The following PPP1R12C variants were observed in gnomAD, a reference collection of about 807,000 sequenced individuals.
PPP1R12C encodes protein phosphatase 1 regulatory subunit 12C, also known as leukocyte receptor cluster (LRC) encoded novel gene 3.
In PPP1R12C, 48 loss-of-function variants were observed where a neutral mutation model predicts 95.6. That is an observed-to-expected ratio of 0.50 (90% confidence interval 0.40 to 0.64). PPP1R12C has a LOEUF of 0.64. PPP1R12C is among the 30% of genes least tolerant of loss of function. PPP1R12C has a pLI of 0.00. For synonymous variants in PPP1R12C, 480 were observed against 460.8 expected (o/e 1.04, Z -0.53); for missense variants, 1,057 against 1,083.3 (o/e 0.98, Z 0.34).
chr19:55,094,997 G>T (rs1486806476), intron 11 of PPP1R12C, 199 bp from the exon 12 acceptor site: 2 of 724,598 alleles, frequency 2.8e-6, no homozygotes, highest in Non-Finnish European at 2.3e-6. Context: ...ACTCTGGACA[G>T]AAGCAGCAGT....
At chr19:55,092,002 T>A in intron 19 of PPP1R12C, 93 bp from the exon 20 acceptor site, 1 of 1,486,692 alleles carries the variant, frequency 6.7e-7, no homozygotes, top group South Asian at 1.1e-5. Flanking sequence ...GCCCGCCCAC[T>A]AGGCAGCCCA....
At chr19:55,106,789 G>A (rs2085043060) in intron 3 of PPP1R12C, among the ~76,000 whole-genome samples, 1 of 152,132 alleles carries the variant, frequency 6.6e-6, no homozygotes, top group Non-Finnish European at 1.5e-5. Context: ...GTTTCAATGT[G>A]ACCGGGCCCA....
chr19:55,094,461 C>G (rs761614193), intron 12 of PPP1R12C, 26 bp from the exon 13 acceptor site: 4 of 1,612,534 alleles, frequency 2.5e-6, no homozygotes, highest in South Asian at 1.1e-5. Flanking sequence ...CAACCTCAGA[C>G]AGGGAACCTG....
chr19:55,092,645 C>A lies in PPP1R12C; in HGVS notation c.1929G>T (p.Pro643=). 6.5e-7 allele frequency: 1 copy of A among 1,533,400 alleles called. No homozygotes were observed. The highest frequency in any genetic ancestry group is 2.3e-5 in the East Asian group (1 of 42,964). 95.0% of individuals were successfully genotyped at this position (1,533,400 alleles called of 1,614,324 possible). Residue 643 remains proline (P), a synonymous_variant, in exon 17 of 22, where the codon CCG becomes CCT. Coordinates refer to ENST00000263433, the MANE Select transcript of PPP1R12C (RefSeq NM_017607.4). Reference sequence around the variant, plus strand: ...ACCTGGACTCCTGGCTGCGGTCAGCCGGCTCCGCCTCCTCCCCCTGTGGGC... The same window carrying A: ...ACCTGGACTCCTGGCTGCGGTCAGCAGGCTCCGCCTCCTCCCCCTGTGGGC... ...RGPAEGEEAE[P]ADRSQESSTL...
At chr19:55,101,496 G>A (rs971502271) in intron 4 of PPP1R12C, among the ~76,000 whole-genome samples, 44 of 152,160 alleles carry the variant, frequency 2.9e-4, no homozygotes, top group African/African-American at 8.9e-4. Context: ...TGTGACTAGC[G>A]TCTGGCAAAT....
chr19:55,094,634 G>T, intron 12 of PPP1R12C, 27 bp downstream of exon 12: 4 of 1,552,608 alleles, frequency 2.6e-6, no homozygotes, highest in Non-Finnish European at 3.5e-6. Flanking sequence ...GGGCGGGGGC[G>T]GCAGCTTCCT....
rs145289973 is a variant in PPP1R12C at position 55,092,322 on chromosome 19, T to C, written c.2060A>G (p.Tyr687Cys). The change falls in exon 19 of 22, where the codon TAT becomes TGT. Residue 687 changes from tyrosine (Y) to cysteine (C), a missense_variant. Physicochemically the swap from Tyr to Cys is radical, Grantham distance 194 (BLOSUM62 -2). This residue lies in a region of PPP1R12C where 347 missense variants were observed against 307.9 expected (regional missense o/e 1.13). Transcript: ENST00000263433. ...CTCGTTCTCCCTGCGCAGCTCTGCA[T>C]ACAGCTGGGGGTCAGGTAGAGGAGG... ...EEPDGGFRTL[Y>C]AELRRENERL... 5.6e-5 allele frequency: 90 copies of C among 1,596,052 alleles called. No homozygotes were observed. The highest frequency in any genetic ancestry group is 6.1e-5 in the Non-Finnish European group (71 of 1,171,214).
At chr19:55,112,852 G>A (rs2085113349) in intron 1 of PPP1R12C, 57 bp from the exon 2 acceptor site, 1 of 1,602,574 alleles carries the variant, frequency 6.2e-7, no homozygotes, top group Non-Finnish European at 8.5e-7. Context: ...GTCCCAGCAA[G>A]TCGGGACTCC....
intron 3 of PPP1R12C, among the ~76,000 whole-genome samples, chr19:55,108,217 G>A (rs1212018430): frequency 6.6e-6 from 1 of 151,910 alleles, no homozygotes; most frequent in African/African-American, 2.4e-5. Context: ...TTACAGGCCT[G>A]AGCCACCGCG....
intron 1 of PPP1R12C, chr19:55,113,255 G>A (rs1306906986): frequency 2.5e-5 from 16 of 643,912 alleles, no homozygotes; most frequent in Admixed American, 3.6e-5. Flanking sequence ...GGTCAAGCTC[G>A]GAAACCACCC....
chr19:55,092,120 C>T (rs2084849497), intron 19 of PPP1R12C, 102 bp downstream of exon 19: 4 of 1,202,560 alleles, frequency 3.3e-6, no homozygotes, highest in African/African-American at 1.5e-5. Flanking sequence ...AAGTGAAGCC[C>T]AGCCCCGCCG....
At chr19:55,104,310 TCCTATATATATAAAA>T (rs927807475) in intron 3 of PPP1R12C, among the ~76,000 whole-genome samples, 2 of 148,948 alleles carry the variant, frequency 1.3e-5, no homozygotes, top group African/African-American at 4.9e-5. Flanking sequence ...TATACACATT[TCCTATATATATAAAA>T]CCTATATATA....
rs1448431664 is a variant in PPP1R12C, at chr19:55,091,217, TCCTGGTCCCGTCTCTGGC to T, written c.*237_*254del. The T allele has an allele frequency of 1.8e-6, 1 of 549,680 alleles. No homozygotes were observed. Among genetic ancestry groups the T allele is most frequent in the African/African-American group, 1.9e-5 (1 of 52,794 alleles). 34.1% of individuals were successfully genotyped at this position (549,680 alleles called of 1,614,324 possible). On this transcript the variant is annotated 3_prime_UTR_variant, in exon 22 of 22. Transcript: ENST00000263433. The stretch of plus-strand genomic sequence containing the variant: ...TTGCACTTCTTGGTCCTCAGTTCCT[TCCTGGTCCCGTCTCTGGC>T]CCTGGTCCCCTCTGGCAACGTCCCC...
rs1374028315 is a variant in PPP1R12C at position 55,112,484 on chromosome 19, G to A, written c.554C>T (p.Ala185Val). Residue 185 changes from alanine to valine, a missense_variant, in exon 3 of 22, where the codon GCG becomes GTG. Physicochemically the swap from Ala to Val is moderately conservative, Grantham distance 64. Around this residue, in one of 5 missense-constraint regions of PPP1R12C, gnomAD observed 282 missense variants for 380.4 expected, o/e 0.74. Coordinates refer to ENST00000263433, the MANE Select transcript of PPP1R12C (RefSeq NM_017607.4). ...GAGCCCACCTCGGCGGGCGATCTCC[G>A]CCTTCAGCAGCCCCTCCATGGCGTC... ...ESDAMEGLLK[A>V]EIARRGVDVE... 13 of 1,611,534 alleles carry A rather than the reference G, an allele frequency of 8.1e-6. No homozygotes were observed. The highest frequency in any genetic ancestry group is 5.3e-5 in the African/African-American group (4 of 74,850).
chr19:55,106,089 A>G (rs1568816251), intron 3 of PPP1R12C, among the ~76,000 whole-genome samples: 1 of 152,150 alleles, frequency 6.6e-6, no homozygotes, highest in Non-Finnish European at 1.5e-5. Context: ...ATTCATTCAC[A>G]CACCATCCCT....
At chr19:55,104,891 C>G (rs2085020952) in intron 3 of PPP1R12C, among the ~76,000 whole-genome samples, 1 of 151,520 alleles carries the variant, frequency 6.6e-6, no homozygotes, top group Non-Finnish European at 1.5e-5. Context: ...CCTGCCTCAG[C>G]TTCTTGAGTA....
Position 55,103,585 on chromosome 19 carries a change from C to A in PPP1R12C, c.572-17G>T, listed in dbSNP as rs745650870. The A allele has an allele frequency of 1.5e-5, 23 of 1,551,514 alleles. No homozygotes were observed. The highest frequency in any genetic ancestry group is 1.8e-5 in the Non-Finnish European group (21 of 1,138,208). ...CATCCACACCTAGGAGGATAAGAGG[C>A]ACGAGGTAGGACTCACACCCCATGA... On this transcript the variant is annotated splice_polypyrimidine_tract_variant and intron_variant, in intron 3 of 21. Coordinates refer to ENST00000263433, the MANE Select transcript of PPP1R12C (RefSeq NM_017607.4).
chr19:55,094,507 C>T (rs910165316), intron 12 of PPP1R12C, 72 bp from the exon 13 acceptor site: 5 of 1,600,034 alleles, frequency 3.1e-6, no homozygotes, highest in African/African-American at 1.3e-5. Flanking sequence ...ACACCCTCCG[C>T]GGGAAGCAAG....
Position 55,093,058 on chromosome 19 carries a change from G to C in PPP1R12C, c.1783C>G (p.Arg595Gly), listed in dbSNP as rs774121657. ...AQSLDPSRRP[R>G]VPGVENSDSP... The stretch of plus-strand genomic sequence containing the variant: ...TCAGAGTTCTCCACTCCAGGGACGC[G>C]GGGCCTTCGGGAAGGGTCCTGTCGG... The change falls in exon 15 of 22, where the codon CGC (arginine) becomes GGC (glycine). Residue 595 changes from arginine (R) to glycine (G), a missense_variant. Physicochemically the swap from Arg to Gly is moderately radical, Grantham distance 125. This residue lies in a region of PPP1R12C where 347 missense variants were observed against 307.9 expected (regional missense o/e 1.13). Transcript: ENST00000263433. 3.1e-6 allele frequency: 5 copies of C among 1,601,214 alleles called. No homozygotes were observed. The highest frequency in any genetic ancestry group is 2.2e-5 in the East Asian group (1 of 44,790).
Sources: allele counts gnomAD v4.1 joint callset (sites outside exome capture counted in the v4.1 genomes callset), GRCh38; gene constraint gnomAD v4.1.1; regional missense constraint gnomAD v4.1.1; transcripts MANE v1.5; gene names NCBI Gene and HGNC (gene_info 2026-07-23, HGNC 2026-07-21).